Variants in AFF3 observed in about 807,000 individuals in gnomAD.
The protein encoded by AFF3 is ALF transcription elongation factor 3.
A neutral mutation model predicts 129.7 loss-of-function variants in AFF3; 32 were observed. The ratio of observed to expected loss-of-function variants is 0.25; its 90% CI spans 0.19 to 0.33. The LOEUF is 0.33. Ranked by LOEUF, AFF3 falls within the 10% of genes least tolerant of loss-of-function variation. AFF3 has a pLI of 1.00. For missense variants in AFF3, 1,373 were observed against 1,592.0 expected, an observed-to-expected ratio of 0.86 and a Z score of 2.34; for synonymous variants, 644 against 635.4, an observed-to-expected ratio of 1.01 and a Z score of -0.20.
At chr2:99,761,572 CTT>C (rs1388295594) in intron 8 of AFF3, among the ~76,000 whole-genome samples, 4 of 152,186 alleles carry the variant, frequency 2.6e-5, no homozygotes, top group Admixed American at 6.5e-5. Context: ...CGTAGCAGCT[CTT>C]TGTTACCAAA....
intron 11 of AFF3, among the ~76,000 whole-genome samples, chr2:99,684,101 G>T (rs1458481394): frequency 6.6e-6 from 1 of 152,148 alleles, no homozygotes; most frequent in Non-Finnish European, 1.5e-5. Context: ...CTTTATGTTG[G>T]AAGTCAACAG....
chr2:100,047,042 C>T (rs1685896067), intron 4 of AFF3, among the ~76,000 whole-genome samples: 1 of 151,880 alleles, frequency 6.6e-6, no homozygotes, highest in African/African-American at 2.4e-5. Flanking sequence ...TCCACTGTAA[C>T]AGCCACTAAC....
intron 7 of AFF3, among the ~76,000 whole-genome samples, chr2:99,972,237 A>G (rs910885774): frequency 6.6e-6 from 1 of 152,234 alleles, no homozygotes; most frequent in African/African-American, 2.4e-5. Context: ...CTGGCTTCAC[A>G]GTCATCCATG....
chr2:100,005,841 C>A (rs1028230517), intron 7 of AFF3, among the ~76,000 whole-genome samples: 1 of 152,110 alleles, frequency 6.6e-6, no homozygotes, highest in Non-Finnish European at 1.5e-5. Flanking sequence ...GTTATTAAAT[C>A]AAATTAAGAT....
intron 8 of AFF3, among the ~76,000 whole-genome samples, chr2:99,828,217 A>G (rs1245815284): frequency 6.6e-6 from 1 of 152,228 alleles, no homozygotes; most frequent in Non-Finnish European, 1.5e-5. Flanking sequence ...GATAAAGTCA[A>G]TGGTAAAATG....
chr2:99,771,697 C>T (rs1019774622), intron 8 of AFF3, among the ~76,000 whole-genome samples: 3 of 152,252 alleles, frequency 2.0e-5, no homozygotes, highest in Non-Finnish European at 2.9e-5. Context: ...AATGAGGAGA[C>T]GTGGACTCTG....
intron 13 of AFF3, among the ~76,000 whole-genome samples, chr2:99,648,907 A>ACTCTCTCTCTCTCTCTCTCTCT (rs1464965146): frequency 5.6e-4 from 22 of 39,274 alleles, no homozygotes; most frequent in African/African-American, 1.4e-3. Flanking sequence ...ACACACACAC[A>ACTCTCTCTCTCTCTCTCTCTCT]CACACACACA....
chr2:100,003,980 TAAA>T (rs72322086), intron 7 of AFF3, among the ~76,000 whole-genome samples: 4 of 144,964 alleles, frequency 2.8e-5, no homozygotes, highest in African/African-American at 9.9e-5. Flanking sequence ...CATCTTACAC[TAAA>T]AAAAAAAAAA....
chr2:99,714,316 C>T (rs1489123281), intron 11 of AFF3, among the ~76,000 whole-genome samples: 1 of 152,110 alleles, frequency 6.6e-6, no homozygotes, highest in Admixed American at 6.6e-5. Flanking sequence ...AAGCCATGCC[C>T]CTTTGCAGGC....
intron 7 of AFF3, among the ~76,000 whole-genome samples, chr2:100,003,882 A>C (rs554048479): frequency 6.6e-6 from 1 of 152,160 alleles, no homozygotes; most frequent in Non-Finnish European, 1.5e-5. Context: ...CTTAATTTGG[A>C]CTGTAAATGA....
intron 8 of AFF3, among the ~76,000 whole-genome samples, chr2:99,818,192 A>T (rs542145440): frequency 6.6e-6 from 1 of 152,350 alleles, no homozygotes; most frequent in Admixed American, 6.5e-5. Context: ...TGTAGCATTT[A>T]GGATTTTAGA....
At chr2:99,994,981 G>A (rs1680705801) in intron 7 of AFF3, among the ~76,000 whole-genome samples, 1 of 152,124 alleles carries the variant, frequency 6.6e-6, no homozygotes, top group South Asian at 2.1e-4. Flanking sequence ...GAAGGGAACT[G>A]TCCTCAGAAA....
intron 1 of AFF3, 145 bp downstream of exon 1, chr2:100,142,339 T>C (rs567076622): frequency 9.6e-4 from 146 of 152,134 alleles, no homozygotes; most frequent in Non-Finnish European, 1.7e-3. Flanking sequence ...TCGGTGAGGC[T>C]GACCAAGAAT....
chr2:99,962,700 T>G (rs554757311), intron 7 of AFF3, among the ~76,000 whole-genome samples: 1 of 151,868 alleles, frequency 6.6e-6, no homozygotes, highest in African/African-American at 2.4e-5. Flanking sequence ...TCAACAGAAT[T>G]TACTCAATCT....
At chr2:99,708,505 C>T (rs779068354) in intron 11 of AFF3, among the ~76,000 whole-genome samples, 14 of 152,110 alleles carry the variant, frequency 9.2e-5, no homozygotes, top group Admixed American at 2.0e-4. Flanking sequence ...GGGACCTTGG[C>T]GCAGTAACAG....
chr2:99,831,162 T>G (rs1432107108), intron 8 of AFF3, among the ~76,000 whole-genome samples: 2 of 152,202 alleles, frequency 1.3e-5, no homozygotes, highest in Admixed American at 1.3e-4. Flanking sequence ...GGGAATTGGG[T>G]TTTTTTCTCA....
intron 11 of AFF3, among the ~76,000 whole-genome samples, chr2:99,700,920 C>T (rs1676785448): frequency 1.3e-5 from 2 of 152,168 alleles, no homozygotes; most frequent in South Asian, 2.1e-4. Flanking sequence ...TCGGAGTGAG[C>T]GTGAGACGGT....
intron 11 of AFF3, among the ~76,000 whole-genome samples, chr2:99,699,780 C>T (rs1175252160): frequency 6.6e-6 from 1 of 152,208 alleles, no homozygotes; most frequent in Non-Finnish European, 1.5e-5. Flanking sequence ...TTGAGGTCAC[C>T]ACAATGCTTT....
chr2:99,725,577 G>A (rs1679301574), intron 11 of AFF3, among the ~76,000 whole-genome samples: 1 of 150,952 alleles, frequency 6.6e-6, no homozygotes, highest in African/African-American at 2.4e-5. Flanking sequence ...TGATCTGCCT[G>A]CCTCGGCCTC....
Sources: allele counts gnomAD v4.1 joint callset (sites outside exome capture counted in the v4.1 genomes callset), GRCh38; gene constraint gnomAD v4.1.1; transcripts MANE v1.5; gene names NCBI Gene and HGNC (gene_info 2026-07-23, HGNC 2026-07-21).